The following COPG1 variants were observed in gnomAD, a reference collection of about 807,000 sequenced individuals.
The protein encoded by COPG1 is coat protein complex I subunit gamma 1.
COPG1 carries 29 observed loss-of-function variants against 102.8 expected under a neutral mutation model. The observed-to-expected ratio is 0.28, with a 90% CI of 0.21 to 0.38. COPG1 has a LOEUF of 0.38. Ranked by LOEUF, COPG1 falls within the 10% of genes least tolerant of loss-of-function variation. The probability of loss-of-function intolerance (pLI) is 1.00; values close to 1 mark genes in which losing one functional copy is unlikely to be tolerated. For synonymous variants in COPG1, 406 were observed against 421.6 expected (o/e 0.96, Z 0.45); for missense variants, 875 against 1,132.7 (o/e 0.77, Z 3.27).
chr3:129,267,889 C>G (rs551688945), intron 15 of COPG1, 48 bp from the exon 16 acceptor site: 1 of 1,458,756 alleles, frequency 6.9e-7, no homozygotes, highest in East Asian at 2.3e-5. Flanking sequence ...ATCCCTCCTG[C>G]CATCCCTGCT....
rs564067652 is a variant in COPG1 at position 129,249,795 on chromosome 3, G to A, written c.37+49G>A. 1.1e-3 allele frequency: 1,657 copies of A among 1,542,252 alleles called. 1 individual carries two copies. Among genetic ancestry groups the A allele is most frequent in the Middle Eastern group, 4.8e-3 (28 of 5,882 alleles). On this transcript the variant is annotated intron_variant, in intron 1 of 23. Transcript: ENST00000314797. ...GAGGGAGGCCGGACCCCCACCCGCC[G>A]AGCTTTCCTTCTGGTTCTCTGTCCT...
At chr3:129,256,220 G>A in intron 8 of COPG1, 66 bp downstream of exon 8, 1 of 1,366,412 alleles carries the variant, frequency 7.3e-7, no homozygotes. Context: ...TGGCCAGTTG[G>A]CATGGACACT....
chr3:129,263,509 C>T (rs908030871), intron 12 of COPG1, among the ~76,000 whole-genome samples: 1 of 152,024 alleles, frequency 6.6e-6, no homozygotes, highest in Non-Finnish European at 1.5e-5. Flanking sequence ...AGAGAAGCGG[C>T]CAAGGACAGA....
In COPG1 at chr3:129,272,409, A is replaced by G; in HGVS notation, c.2152A>G (p.Thr718Ala). The G allele has an allele frequency of 6.2e-7, 1 of 1,612,884 alleles. No individual in the cohort carries two copies. Among genetic ancestry groups the G allele is most frequent in the East Asian group, 2.2e-5 (1 of 44,838 alleles). Residue 718 changes from threonine to alanine, a missense_variant, in exon 20 of 24, where the codon ACA (threonine) becomes GCA (alanine). Transcript: ENST00000314797. ...GGTGGCACTGCCCAAAGAAGACCCC[A>G]CAGCTGGTGAGCCCCTCTCCAGATA... ...TLVALPKEDP[T>A]AVACTFSCMM...
At chr3:129,259,611 AT>A (rs536733255) in intron 10 of COPG1, among the ~76,000 whole-genome samples, 3 of 151,978 alleles carry the variant, frequency 2.0e-5, no homozygotes, top group Admixed American at 2.0e-4. Context: ...ATTAAGAAAA[AT>A]TTTTTTTGAG....
At position 129,272,239 on chromosome 3, in the gene COPG1, T is replaced by C. The variant is rs777508224; in HGVS notation, c.1987-5T>C. On this transcript the variant is annotated splice_region_variant and splice_polypyrimidine_tract_variant and intron_variant, in intron 19 of 23. Transcript: ENST00000314797. ...TGTTTAAGCTCCCCTCTCTTTCCTG[T>C]TCAGTTTGACTGCACAAACACACTC... The C allele has an allele frequency of 1.2e-6, 2 of 1,613,296 alleles. No homozygotes were observed. Among genetic ancestry groups the C allele is most frequent in the Admixed American group, 3.3e-5 (2 of 59,998 alleles).
At chr3:129,267,844 T>C in intron 15 of COPG1, 93 bp from the exon 16 acceptor site, 1 of 932,572 alleles carries the variant, frequency 1.1e-6, no homozygotes, top group Non-Finnish European at 1.7e-6. Context: ...CTACTTGTTA[T>C]CCCTATGGAC....
Position 129,254,705 on chromosome 3 carries a change from C to T in COPG1, c.361C>T (p.Arg121Trp), listed in dbSNP as rs376130585. 14 of 1,614,006 alleles carry T rather than the reference C, an allele frequency of 8.7e-6. No homozygotes were observed. The highest frequency in any genetic ancestry group is 6.7e-5 in the African/African-American group (5 of 74,916). ...CATGACTGGGAAAGAAGACAACTAC[C>T]GGGGCCCGGCCGTGCGAGCCCTCTG... The part of the protein sequence containing the change: ...KDMTGKEDNY[R>W]GPAVRALCQI... Residue 121 changes from arginine to tryptophan, a missense_variant, in exon 6 of 24, where the codon CGG becomes TGG. Coordinates refer to ENST00000314797, the MANE Select transcript of COPG1 (RefSeq NM_016128.4).
intron 5 of COPG1, among the ~76,000 whole-genome samples, chr3:129,253,597 A>G (rs1327355491): frequency 6.6e-6 from 1 of 152,238 alleles, no homozygotes; most frequent in Non-Finnish European, 1.5e-5. Context: ...ATTATGGGCT[A>G]TGAGAGCAGA....
At chr3:129,273,091 C>T (rs867116601) in intron 21 of COPG1, among the ~76,000 whole-genome samples, 187 bp downstream of exon 21, 3 of 152,124 alleles carry the variant, frequency 2.0e-5, no homozygotes, top group African/African-American at 7.2e-5. Context: ...GGCGCGATCT[C>T]GGCTCACTGC....
intron 2 of COPG1, 174 bp downstream of exon 2, chr3:129,250,908 AC>A: frequency 2.1e-5 from 6 of 280,882 alleles, no homozygotes; most frequent in Non-Finnish European, 2.6e-5. Context: ...AGTTATGCTT[AC>A]TTCTTTTTTT....
chr3:129,268,074 C>G, intron 16 of COPG1, 34 bp downstream of exon 16: 1 of 1,532,408 alleles, frequency 6.5e-7, no homozygotes, highest in Non-Finnish European at 9.0e-7. Flanking sequence ...GGACTCAGCA[C>G]CTTACTGGAG....
At chr3:129,256,782 C>T (rs527936242) in intron 8 of COPG1, among the ~76,000 whole-genome samples, 2 of 152,360 alleles carry the variant, frequency 1.3e-5, no homozygotes, top group African/African-American at 4.8e-5. Flanking sequence ...TCAGGGCCAG[C>T]TGTGGCCCCT....
intron 2 of COPG1, among the ~76,000 whole-genome samples, chr3:129,251,936 C>T (rs1236036718): frequency 1.3e-5 from 2 of 152,168 alleles, no homozygotes; most frequent in African/African-American, 2.4e-5. Flanking sequence ...CCACCCGCCT[C>T]GGCCTCCCAA....
At chr3:129,254,538 G>C in intron 5 of COPG1, 130 bp from the exon 6 acceptor site, 1 of 610,824 alleles carries the variant, frequency 1.6e-6, no homozygotes. Context: ...AGGCTTGGAG[G>C]GGCAGGAATA....
Position 129,265,587 on chromosome 3 carries a change from C to T in COPG1, c.1263C>T (p.Ile421=). 6.2e-7 allele frequency: 1 copy of T among 1,614,206 alleles called. No individual in the cohort carries two copies. The change falls in exon 14 of 24, where the codon ATC becomes ATT. Residue 421 remains isoleucine (I), a synonymous_variant. Coordinates refer to ENST00000314797, the MANE Select transcript of COPG1 (RefSeq NM_016128.4). ...FEYKRAIVDC[I]ISIIEENSES... is the part of the protein sequence containing the mutation. ...ATAAGCGCGCTATCGTGGACTGCAT[C>T]ATCAGCATCATTGAAGAGAACTCAG... is the stretch of plus-strand genomic sequence containing the variant.
At position 129,276,284 on chromosome 3, in the gene COPG1, G is replaced by A. The variant is rs367927970; in HGVS notation, c.2494+992G>A. 2.0e-4 allele frequency among the ~76,000 whole-genome samples: 30 copies of A among 152,142 alleles called. 5 individuals are homozygous for A. Among genetic ancestry groups the A allele is most frequent in the Admixed American group, 9.2e-4 (14 of 15,272 alleles). On this transcript the variant is annotated intron_variant, in intron 23 of 23. Transcript: ENST00000314797. ...ATTTGTATTTCCTTTTCTGATCATT[G>A]TCTTCATATCCTTTGTCTTATTTTC...
chr3:129,273,505 T>C lies in COPG1; in HGVS notation c.2256+601T>C, dbSNP rs143675003. On this transcript the variant is annotated intron_variant, in intron 21 of 23. Transcript: ENST00000314797. ...CATTCTTACAGTGTAGACCTTGCTA[T>C]TTTAAAACCATAGTGTATTTTCCAG... Among the ~76,000 whole-genome samples the C allele has an allele frequency of 8.8e-3, 1,333 of 152,310 alleles. 22 individuals carry two copies. The highest frequency in any genetic ancestry group is 0.03 in the African/African-American group (1,261 of 41,534).
rs552879473 is a variant in COPG1, at chr3:129,271,898, A to G, written c.1975A>G (p.Met659Val). ...CACCAAACACACCTTCACCAACCACATGGTTTTTCAGGTGAGCAAGGTGGG... is the reference window on the plus strand; with the variant it reads ...CACCAAACACACCTTCACCAACCACGTGGTTTTTCAGGTGAGCAAGGTGGG... ...RCTKHTFTNH[M>V]VFQFDCTNTL... Residue 659 changes from methionine to valine, a missense_variant, in exon 19 of 24, where the codon ATG becomes GTG. Met to Val is a conservative substitution (Grantham distance 21). Transcript: ENST00000314797. This position sits in a 1 kb window ranked among gnomAD's most constrained non-coding sequence, Gnocchi z 4.7. 5.0e-6 allele frequency: 8 copies of G among 1,613,988 alleles called. No individual in the cohort carries two copies. In the East Asian group the frequency reaches 6.7e-5, roughly 13 times the overall value.
Sources: allele counts gnomAD v4.1 joint callset (sites outside exome capture counted in the v4.1 genomes callset), GRCh38; gene constraint gnomAD v4.1.1; non-coding constraint Gnocchi (gnomAD v3.1); transcripts MANE v1.5; gene names NCBI Gene and HGNC (gene_info 2026-07-23, HGNC 2026-07-21).